SH3BP5L: variants seen among roughly 807,000 people sequenced by gnomAD.
SH3BP5L encodes the protein SH3 binding domain protein 5 like, also known as SH3 domain-binding protein 5-like.
In SH3BP5L, 16 loss-of-function variants were observed where a neutral mutation model predicts 40.9. That is an observed-to-expected ratio of 0.39 (90% CI 0.27 to 0.59). The LOEUF (loss-of-function observed/expected upper bound fraction) is 0.59, where lower values mean the gene tolerates loss of function less well. SH3BP5L is among the 20% of genes least tolerant of loss of function. SH3BP5L has a pLI of 0.53. For synonymous variants in SH3BP5L, 229 were observed against 226.7 expected, an observed-to-expected ratio of 1.01 and a Z score of -0.09; for missense variants, 471 against 544.6, an observed-to-expected ratio of 0.86 and a Z score of 1.35.
In SH3BP5L at chr1:248,811,738, A is replaced by G; in HGVS notation, c.*162T>C. On this transcript the variant is annotated 3_prime_UTR_variant, in exon 7 of 7. Transcript: ENST00000366472. ...GGAAGGGGGAGGCTGTGAGAACGCC[A>G]GGGCAGGCACAGAGGACTCGAACAC... The G allele has an allele frequency of 1.7e-6, 1 of 579,254 alleles. No homozygotes were observed. Among genetic ancestry groups the G allele is most frequent in the Non-Finnish European group, 3.0e-6 (1 of 335,724 alleles). The allele number at this position is 579,254 out of a possible 1,614,324, so 35.9% of individuals were successfully genotyped here.
In SH3BP5L at chr1:248,811,723, G is replaced by A; in HGVS notation, c.*177C>T. ...AGCCGCCTGCTGAGGGGAAGGGGGAGGCTGTGAGAACGCCAGGGCAGGCAC... is the reference window on the plus strand; with the variant it reads ...AGCCGCCTGCTGAGGGGAAGGGGGAAGCTGTGAGAACGCCAGGGCAGGCAC... On this transcript the variant is annotated 3_prime_UTR_variant, in exon 7 of 7. Coordinates refer to ENST00000366472, the MANE Select transcript of SH3BP5L (RefSeq NM_030645.3). The A allele has an allele frequency of 5.4e-6, 3 of 556,156 alleles. No individual in the cohort carries two copies. Among genetic ancestry groups the A allele is most frequent in the East Asian group, 6.2e-5 (2 of 32,274 alleles). The allele number at this position is 556,156 out of a possible 1,614,324, so 34.5% of individuals were successfully genotyped here.
chr1:248,813,611 G>C (rs1383828660), intron 5 of SH3BP5L: 2 of 158,050 alleles, frequency 1.3e-5, no homozygotes, highest in Admixed American at 6.5e-5. Flanking sequence ...CTGGGAGTGA[G>C]AAGAGCCTGT....
chr1:248,818,368 A>C (rs1440472378), intron 2 of SH3BP5L, among the ~76,000 whole-genome samples: 3 of 152,120 alleles, frequency 2.0e-5, no homozygotes, highest in Admixed American at 6.5e-5. Context: ...AACAAACAAA[A>C]AAAAAAAGGT....
chr1:248,812,659 C>A lies in SH3BP5L; in HGVS notation c.712-289G>T, dbSNP rs1663982278. 6.6e-6 allele frequency among the ~76,000 whole-genome samples: 1 copy of A among 152,170 alleles called. No individual in the cohort carries two copies. The highest frequency in any genetic ancestry group is 2.4e-5 in the African/African-American group (1 of 41,428). ...TCTCAGGCCTTCCTCTCCACCAGCT[C>A]CTGCTTCCTCATCCTCTCCCCACTG... On this transcript the variant is annotated intron_variant, in intron 6 of 6. Transcript: ENST00000366472. This position sits in a 1 kb window ranked among gnomAD's most constrained non-coding sequence, Gnocchi z 6.1.
At chr1:248,820,140 G>A (rs1664218723) in intron 2 of SH3BP5L, among the ~76,000 whole-genome samples, 1 of 152,122 alleles carries the variant, frequency 6.6e-6, no homozygotes, top group Non-Finnish European at 1.5e-5. Flanking sequence ...GGGTGGCGAA[G>A]GTCTAGAAGT....
rs144989621 is a variant in SH3BP5L, at chr1:248,824,898, G to A, written c.38C>T (p.Thr13Ile). 4 of 1,613,850 alleles carry A rather than the reference G, an allele frequency of 2.5e-6. No individual in the cohort carries two copies. The highest frequency in any genetic ancestry group is 1.6e-4 in the Middle Eastern group (1 of 6,062). Residue 13 changes from threonine (T) to isoleucine (I), a missense_variant, in exon 2 of 7, where the codon ACC becomes ATC. Thr to Ile is a moderately conservative substitution (Grantham distance 89, BLOSUM62 -1). Coordinates refer to ENST00000366472, the MANE Select transcript of SH3BP5L (RefSeq NM_030645.3). ...TTCAGGCCGCAGCTCCCCCTGTGGG[G>A]TCTCCCGCCCTCCTGGAACCTGTCT... is the stretch of plus-strand genomic sequence containing the variant. Reference protein sequence around the residue: ...ELRQVPGGRETPQGELRPEVV... With the variant: ...ELRQVPGGREIPQGELRPEVV...
intron 2 of SH3BP5L, among the ~76,000 whole-genome samples, chr1:248,823,056 A>T (rs1160665354): frequency 6.6e-6 from 1 of 152,232 alleles, no homozygotes; most frequent in African/African-American, 2.4e-5. Flanking sequence ...CAATGCAAGC[A>T]TGACTCTTCC....
At chr1:248,819,467 C>T (rs1367960604) in intron 2 of SH3BP5L, among the ~76,000 whole-genome samples, 2 of 151,352 alleles carry the variant, frequency 1.3e-5, no homozygotes, top group African/African-American at 4.9e-5. Context: ...TTCAGGAGGC[C>T]GAGGTGGGAA....
At chr1:248,818,390 A>G (rs1664164837) in intron 2 of SH3BP5L, among the ~76,000 whole-genome samples, 1 of 151,958 alleles carries the variant, frequency 6.6e-6, no homozygotes. Flanking sequence ...GAGGCTGTCT[A>G]TAGTATTCCA....
intron 2 of SH3BP5L, among the ~76,000 whole-genome samples, chr1:248,818,758 C>A (rs75054215): frequency 6.6e-6 from 1 of 152,228 alleles, no homozygotes; most frequent in African/African-American, 2.4e-5. Flanking sequence ...GTTCCCAGAG[C>A]CCCTGGTGAG....
chr1:248,819,213 C>T (rs770678252), intron 2 of SH3BP5L, among the ~76,000 whole-genome samples: 3 of 151,980 alleles, frequency 2.0e-5, no homozygotes, highest in Non-Finnish European at 4.4e-5. Context: ...TGTAATGGAA[C>T]GAGGAATGAG....
Position 248,812,204 on chromosome 1 carries a change from C to T in SH3BP5L, c.878G>A (p.Gly293Glu). The T allele has an allele frequency of 1.2e-6, 2 of 1,603,964 alleles. No homozygotes were observed. The highest frequency in any genetic ancestry group is 1.7e-6 in the Non-Finnish European group (2 of 1,176,236). The part of the protein sequence containing the change: ...PLGPRRSSPV[G>E]AEAGPEDMED... Reference sequence around the variant, plus strand: ...CATGTCCTCGGGTCCTGCCTCGGCCCCCACGGGGGAGGAGCGCCGAGGGCC... The same window carrying T: ...CATGTCCTCGGGTCCTGCCTCGGCCTCCACGGGGGAGGAGCGCCGAGGGCC... Residue 293 changes from glycine to glutamate, a missense_variant, in exon 7 of 7, where the codon GGG becomes GAG. This residue lies in a region of SH3BP5L where 196 missense variants were observed against 174.6 expected (regional missense o/e 1.12). Transcript: ENST00000366472. This position sits in a 1 kb window ranked among gnomAD's most constrained non-coding sequence, Gnocchi z 6.1.
At position 248,823,242 on chromosome 1, in the gene SH3BP5L, GAC is replaced by G. The variant is rs369785097; in HGVS notation, c.183+1509_183+1510del. ...AGCCCTCCTCCACAAGCAACAGAGAGACAGCTCTTTCCCAAAGTGCTATCTAC... is the reference window on the plus strand; with the variant it reads ...AGCCCTCCTCCACAAGCAACAGAGAGAGCTCTTTCCCAAAGTGCTATCTAC... On this transcript the variant is annotated intron_variant, in intron 2 of 6. Transcript: ENST00000366472. Among the ~76,000 whole-genome samples the G allele has an allele frequency of 3.0e-3, 455 of 152,318 alleles. 3 individuals carry two copies. Among genetic ancestry groups the G allele is most frequent in the Non-Finnish European group, 5.1e-3 (350 of 68,030 alleles).
chr1:248,816,610 T>C lies in SH3BP5L; in HGVS notation c.299A>G (p.Asn100Ser). 5 of 1,614,166 alleles carry C rather than the reference T, an allele frequency of 3.1e-6. No homozygotes were observed. The highest frequency in any genetic ancestry group is 4.2e-6 in the Non-Finnish European group (5 of 1,180,038). The change falls in exon 4 of 7, where the codon AAT becomes AGT. Residue 100 changes from asparagine to serine, a missense_variant. This residue lies in a region of SH3BP5L where 275 missense variants were observed against 370.1 expected (regional missense o/e 0.74). Coordinates refer to ENST00000366472, the MANE Select transcript of SH3BP5L (RefSeq NM_030645.3). ...RILQESARKL[N>S]TQGSHLGSCI... Reference sequence around the variant, plus strand: ...GCTCCCCAAGTGGGAACCCTGTGTATTCAGTTTCCTCGCCGACTCCTGTAG... The same window carrying C: ...GCTCCCCAAGTGGGAACCCTGTGTACTCAGTTTCCTCGCCGACTCCTGTAG...
intron 2 of SH3BP5L, chr1:248,817,172 G>T: frequency 1.4e-6 from 1 of 720,042 alleles, no homozygotes; most frequent in Non-Finnish European, 2.2e-6. Context: ...ACACTAATAT[G>T]CACAACGTGA....
chr1:248,815,749 T>G (rs1053484379), intron 4 of SH3BP5L, among the ~76,000 whole-genome samples: 3 of 152,182 alleles, frequency 2.0e-5, no homozygotes, highest in African/African-American at 7.2e-5. Context: ...CTAGCAAAGT[T>G]ATTCCAACTA....
At position 248,814,564 on chromosome 1, in the gene SH3BP5L, A is replaced by G. The variant is rs1453178931; in HGVS notation, c.422T>C (p.Val141Ala). Residue 141 changes from valine (V) to alanine (A), a missense_variant, in exon 5 of 7, where the codon GTA (valine) becomes GCA (alanine). This residue lies in a region of SH3BP5L where 275 missense variants were observed against 370.1 expected (regional missense o/e 0.74). Transcript: ENST00000366472. ...TTCTCGAGCAGCGTTGTGCATGCTTACGGCCCGCTCGTACCGCAGCGCTGC... is the reference window on the plus strand; with the variant it reads ...TTCTCGAGCAGCGTTGTGCATGCTTGCGGCCCGCTCGTACCGCAGCGCTGC... ...QKAALRYERA[V>A]SMHNAAREMV... 1.2e-6 allele frequency: 2 copies of G among 1,614,230 alleles called. No homozygotes were observed. Among genetic ancestry groups the G allele is most frequent in the Non-Finnish European group, 8.5e-7 (1 of 1,180,044 alleles).
At chr1:248,825,414 C>T in intron 1 of SH3BP5L, 48 bp from the exon 2 acceptor site, 1 of 988,294 alleles carries the variant, frequency 1.0e-6, no homozygotes, top group Non-Finnish European at 1.2e-6. Flanking sequence ...GCATCAAAAC[C>T]GCAGCCACCA....
rs12031808 is a variant in SH3BP5L, at chr1:248,814,441, C to T, written c.537+8G>A. On this transcript the variant is annotated splice_region_variant and intron_variant, in intron 5 of 6. Coordinates refer to ENST00000366472, the MANE Select transcript of SH3BP5L (RefSeq NM_030645.3). ...GCGAAGGGGACCTGCTGGCACCGCCCGGCTCACCTTGCAGGTAGCATGGTT... is the reference window on the plus strand; with the variant it reads ...GCGAAGGGGACCTGCTGGCACCGCCTGGCTCACCTTGCAGGTAGCATGGTT... The T allele has an allele frequency of 0.12, 198,326 of 1,613,118 alleles. 17,964 individuals are homozygous for T. The highest frequency in any genetic ancestry group is 0.47 in the African/African-American group (35,062 of 74,968).
Sources: allele counts gnomAD v4.1 joint callset (sites outside exome capture counted in the v4.1 genomes callset), GRCh38; gene constraint gnomAD v4.1.1; regional missense constraint gnomAD v4.1.1; non-coding constraint Gnocchi (gnomAD v3.1); transcripts MANE v1.5; gene names NCBI Gene and HGNC (gene_info 2026-07-23, HGNC 2026-07-21).